The following XRN2 variants were observed in gnomAD, a reference collection of about 807,000 sequenced individuals.
The protein encoded by XRN2 is DHM1-like protein.
A neutral mutation model predicts 138.5 loss-of-function variants in XRN2; 44 were observed. The observed-to-expected ratio is 0.32, with a 90% CI of 0.25 to 0.41. The LOEUF (loss-of-function observed/expected upper bound fraction) is 0.41. Ranked by LOEUF, XRN2 falls within the 10% of genes least tolerant of loss-of-function variation. The pLI is 1.00. For synonymous variants in XRN2, 354 were observed against 369.4 expected (o/e 0.96, Z 0.48); for missense variants, 937 against 1,169.3 (o/e 0.80, Z 2.90).
At chr20:21,382,104 C>T in intron 28 of XRN2, 47 bp downstream of exon 28, 1 of 1,539,412 alleles carries the variant, frequency 6.5e-7, no homozygotes, top group Non-Finnish European at 8.9e-7. Context: ...CTGACACCAA[C>T]ATTTGGGGTT....
intron 28 of XRN2, among the ~76,000 whole-genome samples, chr20:21,384,302 T>C (rs1255623493): frequency 2.0e-5 from 3 of 152,146 alleles, no homozygotes; most frequent in African/African-American, 7.2e-5. Context: ...TACCTATGAG[T>C]GTTAAGCTCA....
chr20:21,362,127 G>A (rs1342755697), intron 24 of XRN2, among the ~76,000 whole-genome samples: 3 of 151,932 alleles, frequency 2.0e-5, no homozygotes, highest in East Asian at 1.9e-4. Context: ...CTGAGGGGAA[G>A]TAGGGATGAT....
Position 21,333,594 on chromosome 20 carries a change from C to T in XRN2, c.909C>T (p.Phe303=). The T allele has an allele frequency of 6.2e-7, 1 of 1,613,750 alleles. No homozygotes were observed. The highest frequency in any genetic ancestry group is 8.5e-7 in the Non-Finnish European group (1 of 1,179,690). ...CTTGTGCAGAAGGAGAGTTTATCTT[C>T]CTTCGGCTTAATGTTCTTCGTGAGG... The part of the protein sequence containing the change: ...SLPCAEGEFI[F]LRLNVLREYL... Residue 303 remains phenylalanine (F), a synonymous_variant, in exon 10 of 30, where the codon TTC becomes TTT. Transcript: ENST00000377191.
In XRN2 at chr20:21,344,115, G is replaced by A. The variant is rs762338955; in HGVS notation, c.1436G>A (p.Ser479Asn). The A allele has an allele frequency of 6.2e-7, 1 of 1,613,022 alleles. No homozygotes were observed. Among genetic ancestry groups the A allele is most frequent in the South Asian group, 1.1e-5 (1 of 90,998 alleles). ...NSSPSISPNT[S>N]FTSDGSPSPL... ...AGTCCTTCGATATCTCCTAATACGAGTTTCACATCTGATGGCTCCCCGTCT... is the reference window on the plus strand; with the variant it reads ...AGTCCTTCGATATCTCCTAATACGAATTTCACATCTGATGGCTCCCCGTCT... Residue 479 changes from serine (S) to asparagine (N), a missense_variant, in exon 16 of 30, where the codon AGT (serine) becomes AAT (asparagine). Ser to Asn is a conservative substitution (Grantham distance 46, BLOSUM62 1). Coordinates refer to ENST00000377191, the MANE Select transcript of XRN2 (RefSeq NM_012255.5).
intron 1 of XRN2, among the ~76,000 whole-genome samples, chr20:21,304,019 A>G (rs1462839156): frequency 2.0e-5 from 3 of 152,230 alleles, no homozygotes. Flanking sequence ...CGCTGAAAGC[A>G]GTATGTCAGG....
Position 21,348,213 on chromosome 20 carries a change from T to C in XRN2, c.1733T>C (p.Ile578Thr), listed in dbSNP as rs770415560. ...CCATTTGCTTCAGACTTTGAAGGCA[T>C]TGCAGACATGCCATCTGATTTTGAG... is the stretch of plus-strand genomic sequence containing the variant. The part of the protein sequence containing the change: ...YAPFASDFEG[I>T]ADMPSDFEKG... Residue 578 changes from isoleucine (I) to threonine (T), a missense_variant, in exon 18 of 30, where the codon ATT (isoleucine) becomes ACT (threonine). By Grantham distance (89) the Ile-to-Thr change is moderately conservative. Around this residue, in one of 6 missense-constraint regions of XRN2, gnomAD observed 471 missense variants for 581.2 expected, o/e 0.81. Transcript: ENST00000377191. The C allele has an allele frequency of 1.9e-6, 3 of 1,614,008 alleles. No individual in the cohort carries two copies. The highest frequency in any genetic ancestry group is 1.1e-5 in the South Asian group (1 of 91,060).
intron 4 of XRN2, among the ~76,000 whole-genome samples, 197 bp from the exon 5 acceptor site, chr20:21,330,284 A>T (rs750691237): frequency 1.3e-5 from 2 of 151,862 alleles, no homozygotes; most frequent in Admixed American, 6.6e-5. Flanking sequence ...ACTCTGTCTC[A>T]AATAATAATA....
intron 5 of XRN2, 22 bp downstream of exon 5, chr20:21,330,561 T>A: frequency 6.2e-7 from 1 of 1,613,760 alleles, no homozygotes; most frequent in Non-Finnish European, 8.5e-7. Context: ...CATACTTTGC[T>A]AGCTATTGCT....
At chr20:21,325,325 C>A (rs895204528) in intron 1 of XRN2, among the ~76,000 whole-genome samples, 1 of 152,122 alleles carries the variant, frequency 6.6e-6, no homozygotes, top group Non-Finnish European at 1.5e-5. Context: ...GTAACATTTA[C>A]AAAAACATAA....
At chr20:21,312,102 C>T (rs1056433139) in intron 1 of XRN2, among the ~76,000 whole-genome samples, 1 of 152,000 alleles carries the variant, frequency 6.6e-6, no homozygotes, top group Admixed American at 6.6e-5. Flanking sequence ...CTTATGCCTT[C>T]TTTTAGGTTG....
At chr20:21,317,228 T>G (rs1338603427) in intron 1 of XRN2, among the ~76,000 whole-genome samples, 1 of 152,164 alleles carries the variant, frequency 6.6e-6, no homozygotes, top group Non-Finnish European at 1.5e-5. Flanking sequence ...GTTAGGTTAT[T>G]TTTTTGTTTG....
chr20:21,345,794 G>A (rs889785372), intron 16 of XRN2, among the ~76,000 whole-genome samples: 1 of 152,116 alleles, frequency 6.6e-6, no homozygotes, highest in Non-Finnish European at 1.5e-5. Flanking sequence ...TATAGAATGT[G>A]TATGTCTCTC....
chr20:21,362,753 GGAGTT>G, intron 24 of XRN2, among the ~76,000 whole-genome samples: 1 of 152,234 alleles, frequency 6.6e-6, no homozygotes, highest in South Asian at 2.1e-4. Context: ...CTTCTCAACT[GGAGTT>G]CCATGGGAGA....
In XRN2 at chr20:21,332,451, T is replaced by G; in HGVS notation, c.858+11T>G. On this transcript the variant is annotated intron_variant, in intron 9 of 29. Transcript: ENST00000377191. ...GAAAAGAAGGGAAAGGTAAGAACTT[T>G]GAGATGGTAGTTGCCTCATTAAAAA... The G allele has an allele frequency of 6.3e-7, 1 of 1,579,186 alleles. No homozygotes were observed. The highest frequency in any genetic ancestry group is 1.2e-5 in the South Asian group (1 of 85,720).
At chr20:21,346,699 G>A (rs1026711393) in intron 17 of XRN2, 149 bp downstream of exon 17, 28 of 921,388 alleles carry the variant, frequency 3.0e-5, no homozygotes, top group Non-Finnish European at 4.0e-5. Flanking sequence ...AACTCACTGC[G>A]ACCTCTGCCT....
rs1217108269 is a variant in XRN2, at chr20:21,370,860, G to A, written c.2584+2270G>A. Among the ~76,000 whole-genome samples, 5 of 152,200 alleles carry A rather than the reference G, an allele frequency of 3.3e-5. No homozygotes were observed. The East Asian group carries it at 9.6e-4, about 29-fold the overall frequency. On this transcript the variant is annotated intron_variant, in intron 27 of 29. Coordinates refer to ENST00000377191, the MANE Select transcript of XRN2 (RefSeq NM_012255.5). ...ATGCCCATTTATCAAAGAATTGTAA[G>A]TCATGTGCCAGTGTTTGTTTCTCAA...
chr20:21,340,275 A>G (rs971111903), intron 14 of XRN2, among the ~76,000 whole-genome samples: 7 of 152,166 alleles, frequency 4.6e-5, no homozygotes, highest in African/African-American at 1.7e-4. Context: ...AGCCTGCACA[A>G]CAGAGTGAGA....
chr20:21,336,583 A>G (rs762662099), intron 13 of XRN2, among the ~76,000 whole-genome samples: 1 of 152,244 alleles, frequency 6.6e-6, no homozygotes, highest in African/African-American at 2.4e-5. Flanking sequence ...TTAAGCAAAT[A>G]TTTAAGTATT....
intron 27 of XRN2, among the ~76,000 whole-genome samples, chr20:21,369,269 T>C (rs565023113): frequency 1.3e-5 from 2 of 152,374 alleles, no homozygotes; most frequent in East Asian, 3.8e-4. Flanking sequence ...GGCTGAACAG[T>C]ACTCCATTGT....
Sources: gnomAD v4.1 joint callset for allele counts (sites outside exome capture counted in the v4.1 genomes callset) on GRCh38, gnomAD v4.1.1 for gene constraint, gnomAD v4.1.1 regional missense constraint, MANE v1.5 for transcripts, NCBI Gene and HGNC (gene_info 2026-07-23, HGNC 2026-07-21) for gene names.